WNK3: variants seen among roughly 807,000 people sequenced by gnomAD.
The protein encoded by WNK3 is WNK lysine deficient protein kinase 3.
Under a neutral mutation model 116.7 loss-of-function variants are expected in WNK3, and 18 were observed. The observed-to-expected ratio is 0.15, with a 90% confidence interval of 0.11 to 0.23. The LOEUF is 0.23. Among genes scored for constraint, WNK3 ranks in the 10% least tolerant of loss-of-function variants. The pLI, the probability that WNK3 is intolerant of heterozygous loss-of-function variation, is 1.00. For missense variants in WNK3, 993 were observed against 1,323.8 expected, an observed-to-expected ratio of 0.75 and a Z score of 3.88; for synonymous variants, 404 against 469.4, an observed-to-expected ratio of 0.86 and a Z score of 1.80.
chrX:54,280,770 G>C (rs1261119431), intron 10 of WNK3, among the ~76,000 whole-genome samples: 1 of 110,299 alleles, frequency 9.1e-6, no homozygotes, highest in African/African-American at 3.3e-5. Flanking sequence ...GTAAACACTG[G>C]GGACTATGAG....
intron 6 of WNK3, among the ~76,000 whole-genome samples, chrX:54,299,099 T>C (rs781997037): frequency 1.8e-5 from 2 of 112,041 alleles, no homozygotes; most frequent in Non-Finnish European, 3.8e-5. Context: ...AAAAGATTTG[T>C]TTACAAGCTG....
rs1365913307 is a variant in WNK3 at position 54,320,105 on chromosome X, A to C, written c.538-8814T>G. On this transcript the variant is annotated intron_variant, in intron 2 of 23. Transcript: ENST00000354646. ...ATAGGAGTCAAATACAAATTTATCA[A>C]ATAGATTTCAACTACTCCACACTAC... 1.9e-4 allele frequency among the ~76,000 whole-genome samples: 21 copies of C among 112,114 alleles called. No individual in the cohort carries two copies. In the Admixed American group the frequency reaches 2.0e-3, roughly 11 times the overall value.
At chrX:54,213,087 C>T (rs1162678404) in intron 22 of WNK3, among the ~76,000 whole-genome samples, 1 of 109,988 alleles carries the variant, frequency 9.1e-6, no homozygotes, top group Admixed American at 9.8e-5. Context: ...ATCAAGCAAT[C>T]CTCCTACCTC....
At chrX:54,358,323 T>G (rs2069627506), upstream of WNK3, among the ~76,000 whole-genome samples, 1 of 104,267 alleles carries the variant, frequency 9.6e-6, no homozygotes, top group Non-Finnish European at 2.0e-5. Context: ...GCGCTCTCGC[T>G]CTCTCTCAGC....
chrX:54,202,882 G>C (rs1557141978), intron 22 of WNK3, among the ~76,000 whole-genome samples: 1 of 109,191 alleles, frequency 9.2e-6, no homozygotes, highest in African/African-American at 3.3e-5. Flanking sequence ...AAAAGGTCTA[G>C]TGCAAGCCAC....
intron 22 of WNK3, among the ~76,000 whole-genome samples, chrX:54,222,931 TA>T (rs1449379639): frequency 2.1e-5 from 2 of 95,610 alleles, no homozygotes; most frequent in Non-Finnish European, 4.0e-5. Context: ...TATATATATA[TA>T]TATATATAAA....
chrX:54,252,543 G>A (rs782052207), intron 13 of WNK3, among the ~76,000 whole-genome samples: 11 of 109,686 alleles, frequency 1.0e-4, no homozygotes, highest in African/African-American at 1.7e-4. Flanking sequence ...GGTGGCGTGC[G>A]CCTGTAATCC....
chrX:54,243,281 C>T (rs962567839), intron 17 of WNK3, among the ~76,000 whole-genome samples: 1 of 107,918 alleles, frequency 9.3e-6, no homozygotes, highest in Non-Finnish European at 1.9e-5. Context: ...ATTAGCCGGG[C>T]GCAGTGGTGG....
At chrX:54,345,911 C>G (rs1202391333) in intron 1 of WNK3, among the ~76,000 whole-genome samples, 1 of 109,772 alleles carries the variant, frequency 9.1e-6, no homozygotes, top group Non-Finnish European at 1.9e-5. Context: ...GAACACAGAT[C>G]GTTTTCTGTG....
At chrX:54,215,198 CGTCTCCTCTCTCCCTCTTTGCACG>C (rs1247701886) in intron 22 of WNK3, among the ~76,000 whole-genome samples, 1 of 109,425 alleles carries the variant, frequency 9.1e-6, no homozygotes, top group African/African-American at 3.3e-5. Flanking sequence ...CCTCTCTCTC[CGTCTCCTCTCTCCCTCTTTGCACG>C]GTCTCCCTCT....
intron 5 of WNK3, among the ~76,000 whole-genome samples, chrX:54,303,974 A>T (rs1557168115): frequency 9.0e-6 from 1 of 111,583 alleles, no homozygotes; most frequent in Non-Finnish European, 1.9e-5. Flanking sequence ...ATGGGCCAAA[A>T]CTAAAAACAC....
At chrX:54,310,490 G>T (rs1042812973) in intron 3 of WNK3, among the ~76,000 whole-genome samples, 1 of 110,354 alleles carries the variant, frequency 9.1e-6, no homozygotes, top group Admixed American at 9.9e-5. Context: ...CGAAGCTGCA[G>T]TTAGCCATGA....
In WNK3 at chrX:54,238,229, T is replaced by C. The variant is rs181762991; in HGVS notation, c.4014+113A>G. On this transcript the variant is annotated intron_variant, in intron 19 of 23. Coordinates refer to ENST00000354646, the Ensembl canonical transcript of WNK3. ...ACTGGGCAACAAGAGTGAAACTCCA[T>C]CTCAAAAAAAAATAAAAACAAAAAT... is the stretch of plus-strand genomic sequence containing the variant. The C allele has an allele frequency of 1.6e-5, 15 of 928,860 alleles. No homozygotes were observed. The Admixed American group carries it at 4.2e-4, about 26-fold the overall frequency. 76.5% of individuals were successfully genotyped at this position (928,860 alleles called of 1,213,427 possible).
chrX:54,248,360 G>A (rs2068093903), intron 17 of WNK3, among the ~76,000 whole-genome samples: 1 of 110,590 alleles, frequency 9.0e-6, no homozygotes, highest in Non-Finnish European at 1.9e-5. Context: ...AGAAGGAAAC[G>A]GATAACTGGC....
chrX:54,251,649 T>C, exon 14 of WNK3: 2 of 1,211,028 alleles, frequency 1.7e-6, no homozygotes, highest in South Asian at 1.8e-5. Flanking sequence ...CTTCTACAAA[T>C]TTTTCTTTCT....
chrX:54,220,749 T>C (rs1000904576), intron 22 of WNK3, among the ~76,000 whole-genome samples: 1 of 111,505 alleles, frequency 9.0e-6, no homozygotes, highest in African/African-American at 3.2e-5. Flanking sequence ...TCAGTATTTT[T>C]TCTATCAACT....
chrX:54,222,894 TATAATA>T lies in WNK3; in HGVS notation c.4870+5814_4870+5819del, dbSNP rs1177160777. The stretch of plus-strand genomic sequence containing the variant: ...CTGTCTCAAAAAAAAAAAAGTATAG[TATAATA>T]ATAATAATAATAATAATATATATAT... On this transcript the variant is annotated intron_variant, in intron 22 of 23. Transcript: ENST00000354646. Among the ~76,000 whole-genome samples, 11 of 83,664 alleles carry T rather than the reference TATAATA, an allele frequency of 1.3e-4. No individual in the cohort carries two copies. In the South Asian group the frequency reaches 4.4e-3, roughly 33 times the overall value. The allele number at this position is 83,664 out of a possible 115,157, so 72.7% of individuals were successfully genotyped here. A position where few individuals can be genotyped will look rare whatever the true frequency, so the allele number is the denominator to read the frequency against.
intron 22 of WNK3, among the ~76,000 whole-genome samples, chrX:54,218,570 TAAAAA>T (rs782541452): frequency 6.4e-5 from 5 of 77,881 alleles, no homozygotes; most frequent in African/African-American, 2.3e-4. Flanking sequence ...AAAAAAGAAT[TAAAAA>T]AAAAAAAAAA....
chrX:54,276,352 C>CAAACA (rs1557160851), intron 10 of WNK3, among the ~76,000 whole-genome samples: 1 of 106,713 alleles, frequency 9.4e-6, no homozygotes, highest in African/African-American at 3.4e-5. Flanking sequence ...AACAAACAAA[C>CAAACA]AAAAAAAAAC....
Sources: allele counts gnomAD v4.1 joint callset (sites outside exome capture counted in the v4.1 genomes callset), GRCh38; gene constraint gnomAD v4.1.1; transcripts MANE v1.5; gene names NCBI Gene and HGNC (gene_info 2026-07-23, HGNC 2026-07-21).